Variants in ZNG1A observed in about 807,000 individuals in gnomAD.
ZNG1A encodes the protein Zn regulated GTPase metalloprotein activator 1A, also known as zinc-regulated GTPase metalloprotein activator 1A.
the ZNG1A span, among the ~76,000 whole-genome samples, chr9:129,733 T>A: frequency 2.0e-5 from 3 of 150,628 alleles, no homozygotes; most frequent in Admixed American, 2.0e-4. Context: ...GGTCCAGAGG[T>A]CTGCTATGTA....
chr9:158,858 A>G, the ZNG1A span, among the ~76,000 whole-genome samples: 1 of 152,108 alleles, frequency 6.6e-6, no homozygotes, highest in Admixed American at 6.6e-5. Flanking sequence ...ATAAGTGCAT[A>G]TTAACATTTA....
At chr9:155,206 TA>T in the ZNG1A span, among the ~76,000 whole-genome samples, 1 of 151,416 alleles carries the variant, frequency 6.6e-6, no homozygotes, top group South Asian at 2.1e-4. Flanking sequence ...GTTTACCTAC[TA>T]AAATACTGTA....
chr9:144,921 A>C, the ZNG1A span, among the ~76,000 whole-genome samples: 2 of 151,772 alleles, frequency 1.3e-5, no homozygotes, highest in Non-Finnish European at 1.5e-5. Flanking sequence ...GAAGACATTT[A>C]TGCAGCCAAA....
the ZNG1A span, among the ~76,000 whole-genome samples, chr9:138,913 A>G: frequency 6.7e-6 from 1 of 148,788 alleles, no homozygotes; most frequent in Non-Finnish European, 1.5e-5. Context: ...AAAAATAAAT[A>G]AAAAGAAAAG....
chr9:164,169 T>C, the ZNG1A span: 11 of 1,093,594 alleles, frequency 1.0e-5, no homozygotes, highest in Non-Finnish European at 1.4e-5. Context: ...ATTATAGTGA[T>C]AGAAGCTTTA....
At chr9:139,727 T>C in the ZNG1A span, among the ~76,000 whole-genome samples, 506 of 151,512 alleles carry the variant, frequency 3.3e-3, 5 homozygotes, top group African/African-American at 0.012. Context: ...AGACAGGCGA[T>C]TTCTCCATTT....
chr9:158,462 C>T, the ZNG1A span, among the ~76,000 whole-genome samples: 2 of 150,538 alleles, frequency 1.3e-5, no homozygotes, highest in African/African-American at 2.5e-5. Context: ...GCTTTTTTAA[C>T]GTATGAAATT....
the ZNG1A span, among the ~76,000 whole-genome samples, chr9:157,366 C>A: frequency 7.3e-6 from 1 of 137,418 alleles, no homozygotes; most frequent in African/African-American, 2.8e-5. Flanking sequence ...TGGGAAATTA[C>A]ACTTTTACCC....
chr9:175,076 T>C, the ZNG1A span, among the ~76,000 whole-genome samples: 5 of 152,154 alleles, frequency 3.3e-5, no homozygotes, highest in African/African-American at 1.2e-4. Flanking sequence ...GCTTTCCTAA[T>C]TCCTAAAAAA....
At chr9:157,188 G>T in the ZNG1A span, among the ~76,000 whole-genome samples, 16 of 136,972 alleles carry the variant, frequency 1.2e-4, no homozygotes, top group South Asian at 2.5e-4. Flanking sequence ...TTATTTTACT[G>T]ACCTCTCCAG....
At chr9:163,079 G>A in the ZNG1A span, among the ~76,000 whole-genome samples, 1 of 150,206 alleles carries the variant, frequency 6.7e-6, no homozygotes, top group Non-Finnish European at 1.5e-5. Context: ...CCAGTTACCC[G>A]CCACATATAT....
the ZNG1A span, among the ~76,000 whole-genome samples, chr9:170,362 T>A: frequency 6.8e-6 from 1 of 146,752 alleles, no homozygotes. Context: ...TGAATGTGTG[T>A]GTGTGTGTGT....
the ZNG1A span, among the ~76,000 whole-genome samples, chr9:168,497 C>T: frequency 6.6e-6 from 1 of 150,574 alleles, no homozygotes; most frequent in Non-Finnish European, 1.5e-5. Flanking sequence ...CGTGAACTGC[C>T]CACCTCGGCC....
the ZNG1A span, among the ~76,000 whole-genome samples, chr9:137,489 A>T: frequency 1.3e-5 from 2 of 152,130 alleles, no homozygotes; most frequent in African/African-American, 4.8e-5. Context: ...ATCAAATTAA[A>T]AATACAGTTC....
At chr9:141,575 C>G in the ZNG1A span, among the ~76,000 whole-genome samples, 3 of 151,414 alleles carry the variant, frequency 2.0e-5, no homozygotes, top group East Asian at 5.9e-4. Context: ...CGGTACCAGC[C>G]GCTGCAGAAT....
the ZNG1A span, chr9:161,667 G>A: frequency 1.6e-6 from 2 of 1,236,488 alleles, no homozygotes; most frequent in Non-Finnish European, 2.1e-6. Context: ...GGGAAGTTGA[G>A]AAACATCATT....
chr9:140,397 A>G, the ZNG1A span, among the ~76,000 whole-genome samples: 32 of 150,938 alleles, frequency 2.1e-4, no homozygotes, highest in East Asian at 5.8e-4. Context: ...CCCCTAGCAG[A>G]GGCAGGCTGA....
At chr9:131,811 A>G in the ZNG1A span, among the ~76,000 whole-genome samples, 2 of 149,922 alleles carry the variant, frequency 1.3e-5, no homozygotes, top group Non-Finnish European at 2.9e-5. Flanking sequence ...TCCGGACTCT[A>G]AAGTCCAATC....
chr9:130,598 ATT>A, the ZNG1A span, among the ~76,000 whole-genome samples: 10 of 105,432 alleles, frequency 9.5e-5, no homozygotes, highest in African/African-American at 3.0e-4. Context: ...TGCCTGGCTA[ATT>A]TTTTGTATTT....
Sources: gnomAD v4.1 joint callset for allele counts (sites outside exome capture counted in the v4.1 genomes callset) on GRCh38, gnomAD v4.1.1 for gene constraint, MANE v1.5 for transcripts, NCBI Gene and HGNC (gene_info 2026-07-23, HGNC 2026-07-21) for gene names.